The following GK variants were observed in gnomAD, a reference collection of about 807,000 sequenced individuals.
GK encodes the protein ATP:glycerol 3-phosphotransferase.
Under a neutral mutation model 56.4 loss-of-function variants are expected in GK, and 9 were observed. That is an observed-to-expected ratio of 0.16 (90% CI 0.10 to 0.28). GK has a LOEUF of 0.28. Among genes scored for constraint, GK ranks in the 10% least tolerant of loss-of-function variants. The probability of loss-of-function intolerance (pLI) is 1.00; values close to 1 mark genes in which losing one functional copy is unlikely to be tolerated. For synonymous variants in GK, 104 were observed against 144.1 expected (o/e 0.72, Z 1.99); for missense variants, 161 against 431.4 (o/e 0.37, Z 5.55).
chrX:30,665,415 T>C (rs113614460), intron 1 of GK, 96 bp from the exon 2 acceptor site: 34 of 554,339 alleles, frequency 6.1e-5, no homozygotes, highest in African/African-American at 4.3e-4. Context: ...ATTGGACTTT[T>C]TCTACCAGTG....
At chrX:30,709,763 T>A (rs768511252) in intron 13 of GK, among the ~76,000 whole-genome samples, 1 of 110,913 alleles carries the variant, frequency 9.0e-6, no homozygotes, top group African/African-American at 3.3e-5. Context: ...TAATTTAGAC[T>A]TCATATTATT....
At chrX:30,723,646 C>G (rs1288565218) in intron 18 of GK, 1 of 152,460 alleles carries the variant, frequency 6.6e-6, no homozygotes, top group African/African-American at 3.2e-5. Flanking sequence ...TTTTTGGGAC[C>G]GAGTCTTGCT....
At position 30,730,041 on chromosome X, in the gene GK, A is replaced by C. The variant is rs1246340918; in HGVS notation, c.*1299A>C. 1 of 112,520 alleles carries C rather than the reference A, an allele frequency of 8.9e-6. No homozygotes were observed. Among genetic ancestry groups the C allele is most frequent in the Non-Finnish European group, 1.9e-5 (1 of 53,222 alleles). The allele number at this position is 112,520 out of a possible 1,213,427, so 9.3% of individuals were successfully genotyped here. ...TTAGTATCTCATTATAACTGAAAGA[A>C]GGTTTATCATTACAAATACCTTCCA... On this transcript the variant is annotated 3_prime_UTR_variant, in exon 21 of 21. Coordinates refer to ENST00000427190, the MANE Select transcript of GK (RefSeq NM_001205019.2).
In GK at chrX:30,684,527, G is replaced by A. The variant is rs756799153; in HGVS notation, c.338-6596G>A. ...CTAAAAATACAAAAATTAGCTGGGCGTGGTAGCGCGTGCCTGTAATCCCAG... is the reference window on the plus strand; with the variant it reads ...CTAAAAATACAAAAATTAGCTGGGCATGGTAGCGCGTGCCTGTAATCCCAG... On this transcript the variant is annotated intron_variant, in intron 4 of 20. Coordinates refer to ENST00000427190, the MANE Select transcript of GK (RefSeq NM_001205019.2). 7.7e-4 allele frequency among the ~76,000 whole-genome samples: 85 copies of A among 110,458 alleles called. 1 individual carries two copies. The highest frequency in any genetic ancestry group is 2.6e-3 in the African/African-American group (78 of 30,410).
In GK at chrX:30,678,831, C is replaced by T. The variant is rs1254687541; in HGVS notation, c.337+1379C>T. Among the ~76,000 whole-genome samples, 4 of 103,229 alleles carry T rather than the reference C, an allele frequency of 3.9e-5. No homozygotes were observed. The East Asian group carries it at 1.2e-3, about 31-fold the overall frequency. 89.6% of individuals were successfully genotyped at this position (103,229 alleles called of 115,157 possible). ...CCTCCCCAGTAGATGGGATCACAGG[C>T]GCCCACCACCATGCCCAGCTATTTT... On this transcript the variant is annotated intron_variant, in intron 4 of 20. Transcript: ENST00000427190.
Position 30,694,557 on chromosome X carries a change from A to G in GK, c.552+20A>G, listed in dbSNP as rs776991668. On this transcript the variant is annotated intron_variant, in intron 6 of 20. Transcript: ENST00000427190. The stretch of plus-strand genomic sequence containing the variant: ...ATTTGGGTATGTTTAAATATAATGG[A>G]TATATGGAGAATTTTTTCAGAAATT... 9 of 1,173,818 alleles carry G rather than the reference A, an allele frequency of 7.7e-6. No homozygotes were observed. In the East Asian group the frequency reaches 2.4e-4, roughly 31 times the overall value.
chrX:30,668,988 A>T (rs1184935351), intron 3 of GK, among the ~76,000 whole-genome samples: 1 of 110,648 alleles, frequency 9.0e-6, no homozygotes, highest in Non-Finnish European at 1.9e-5. Flanking sequence ...GAGATTGGTC[A>T]AAGGTGATGC....
chrX:30,708,165 T>A, intron 13 of GK, 31 bp downstream of exon 13: 1 of 722,743 alleles, frequency 1.4e-6, no homozygotes. Flanking sequence ...ATGGATAATA[T>A]GACAAACATT....
rs1419332751 is a variant in GK, at chrX:30,692,133, T to A, written c.414+934T>A. Among the ~76,000 whole-genome samples, 3 of 111,648 alleles carry A rather than the reference T, an allele frequency of 2.7e-5. No individual in the cohort carries two copies. In the East Asian group the frequency reaches 8.4e-4, roughly 31 times the overall value. On this transcript the variant is annotated intron_variant, in intron 5 of 20. Coordinates refer to ENST00000427190, the MANE Select transcript of GK (RefSeq NM_001205019.2). ...CGTTTTTATTTGTCAGTGGGATGCT[T>A]GTATCATTTTCTTCTAAAACTATTG...
intron 1 of GK, among the ~76,000 whole-genome samples, chrX:30,655,779 T>G (rs757246744): frequency 8.9e-6 from 1 of 112,011 alleles, no homozygotes; most frequent in Non-Finnish European, 1.9e-5. Flanking sequence ...CCTCAGGTTT[T>G]GTTGCCTAAA....
chrX:30,695,335 G>A (rs529995791), intron 6 of GK, among the ~76,000 whole-genome samples: 2 of 112,207 alleles, frequency 1.8e-5, no homozygotes, highest in Admixed American at 1.9e-4. Flanking sequence ...AGTCACAGTT[G>A]AATGAGTACC....
chrX:30,717,806 A>ATTC (rs1184928670), intron 13 of GK, among the ~76,000 whole-genome samples: 1 of 111,869 alleles, frequency 8.9e-6, no homozygotes, highest in African/African-American at 3.2e-5. Context: ...CTTCACATAT[A>ATTC]TTCTCATATT....
rs775010030 is a variant in GK, at chrX:30,719,993, C to T, written c.1152-18C>T. ...GTTTATATCATTCTAATCTGAAAAT[C>T]TTTGTGCGTATTTTTAGGATAATCT... On this transcript the variant is annotated intron_variant, in intron 15 of 20. Transcript: ENST00000427190. The T allele has an allele frequency of 1.9e-6, 2 of 1,054,152 alleles. No homozygotes were observed. The highest frequency in any genetic ancestry group is 2.6e-4 in the Middle Eastern group (1 of 3,911). 86.9% of individuals were successfully genotyped at this position (1,054,152 alleles called of 1,213,427 possible).
At chrX:30,720,595 A>C in intron 16 of GK, 26 bp from the exon 17 acceptor site, 1 of 1,180,511 alleles carries the variant, frequency 8.5e-7, no homozygotes, top group Non-Finnish European at 1.2e-6. Context: ...TAGATTTATA[A>C]CATTAATTGC....
chrX:30,681,073 G>A (rs1265628381), intron 4 of GK, among the ~76,000 whole-genome samples: 2 of 111,399 alleles, frequency 1.8e-5, no homozygotes, highest in Non-Finnish European at 3.8e-5. Flanking sequence ...TTTTTCATAC[G>A]CATTATCTAG....
chrX:30,695,163 A>C, intron 6 of GK: 1 of 872,652 alleles, frequency 1.1e-6, no homozygotes, highest in South Asian at 2.2e-5. Flanking sequence ...TTTAACATTC[A>C]AGGGAATGTC....
chrX:30,691,876 A>G (rs1406883671), intron 5 of GK, among the ~76,000 whole-genome samples: 2 of 108,981 alleles, frequency 1.8e-5, no homozygotes, highest in Admixed American at 9.7e-5. Flanking sequence ...AGTAAAAGAC[A>G]CTCTAGCCCT....
intron 20 of GK, among the ~76,000 whole-genome samples, chrX:30,728,158 A>AG (rs1937220495): frequency 8.9e-6 from 1 of 112,034 alleles, no homozygotes; most frequent in Non-Finnish European, 1.9e-5. Flanking sequence ...ATACTGAATA[A>AG]TCTTTTTTTA....
At chrX:30,702,377 C>T (rs1441742209) in intron 11 of GK, among the ~76,000 whole-genome samples, 3 of 112,090 alleles carry the variant, frequency 2.7e-5, no homozygotes, top group East Asian at 2.8e-4. Flanking sequence ...ATCTACCTGC[C>T]AATTATACGT....
Sources: allele counts gnomAD v4.1 joint callset (sites outside exome capture counted in the v4.1 genomes callset), GRCh38; gene constraint gnomAD v4.1.1; transcripts MANE v1.5; gene names NCBI Gene and HGNC (gene_info 2026-07-23, HGNC 2026-07-21).